NSDHL: variants seen among roughly 807,000 people sequenced by gnomAD.
NSDHL encodes sterol-4-alpha-carboxylate 3-dehydrogenase, decarboxylating.
In NSDHL, 1 loss-of-function variant was observed where a neutral mutation model predicts 23.0. The ratio of observed to expected loss-of-function variants is 0.04; its 90% CI spans 0.02 to 0.21. The LOEUF (loss-of-function observed/expected upper bound fraction) is 0.21. NSDHL is among the 10% of genes least tolerant of loss of function. The pLI is 1.00. For missense variants in NSDHL, 237 were observed against 300.9 expected, an observed-to-expected ratio of 0.79 and a Z score of 1.57; for synonymous variants, 128 against 121.1, an observed-to-expected ratio of 1.06 and a Z score of -0.37.
chrX:152,861,459 C>G (rs1933527191), intron 4 of NSDHL, among the ~76,000 whole-genome samples: 1 of 112,834 alleles, frequency 8.9e-6, no homozygotes, highest in Non-Finnish European at 1.9e-5. Context: ...TAAATCACGC[C>G]CCCAACCAAT....
chrX:152,845,343 T>G (rs1165744445), intron 1 of NSDHL, among the ~76,000 whole-genome samples: 1 of 112,224 alleles, frequency 8.9e-6, no homozygotes, highest in Non-Finnish European at 1.9e-5. Context: ...TCTGTGAATC[T>G]AGCCTTTCAT....
rs946808797 is a variant in NSDHL, at chrX:152,854,136, A to G, written c.267+3713A>G. On this transcript the variant is annotated intron_variant, in intron 3 of 7. Coordinates refer to ENST00000370274, the MANE Select transcript of NSDHL (RefSeq NM_015922.3). ...CCGCTGCCATGCTGTTGTTGCTAGT[A>G]TGTTATTTCAGCTTTCCTTGAGTAC... 6.3e-4 allele frequency among the ~76,000 whole-genome samples: 71 copies of G among 112,049 alleles called. No homozygotes were observed. In the Admixed American group the frequency reaches 6.7e-3, roughly 11 times the overall value.
At chrX:152,843,175 A>G (rs1203600004) in intron 1 of NSDHL, among the ~76,000 whole-genome samples, 1 of 112,301 alleles carries the variant, frequency 8.9e-6, no homozygotes, top group Admixed American at 9.4e-5. Flanking sequence ...GGGGTGAGAC[A>G]TGTTTCTTCT....
intron 1 of NSDHL, among the ~76,000 whole-genome samples, chrX:152,837,218 A>G (rs1933112281): frequency 8.9e-6 from 1 of 111,898 alleles, no homozygotes; most frequent in Non-Finnish European, 1.9e-5. Flanking sequence ...GGTTTTCTAA[A>G]TATATAATCA....
intron 5 of NSDHL, among the ~76,000 whole-genome samples, chrX:152,864,800 G>A (rs1431573430): frequency 8.9e-6 from 1 of 111,939 alleles, no homozygotes; most frequent in Non-Finnish European, 1.9e-5. Flanking sequence ...CCAGAGTCCT[G>A]GCGGGAAGAG....
intron 7 of NSDHL, among the ~76,000 whole-genome samples, chrX:152,868,566 A>G (rs373173871): frequency 3.0e-3 from 333 of 112,848 alleles, no homozygotes; most frequent in African/African-American, 0.01. Context: ...GTGCCTTTCC[A>G]AGTGCAATCT....
chrX:152,853,816 A>G (rs1246088193), intron 3 of NSDHL, among the ~76,000 whole-genome samples: 2 of 111,804 alleles, frequency 1.8e-5, no homozygotes, highest in African/African-American at 6.5e-5. Flanking sequence ...ATCTCCAGCC[A>G]CCCTGTGCTA....
chrX:152,842,688 G>A (rs782114290), intron 1 of NSDHL, among the ~76,000 whole-genome samples: 5 of 110,779 alleles, frequency 4.5e-5, no homozygotes, highest in Non-Finnish European at 9.4e-5. Flanking sequence ...TTTTAGTAGA[G>A]ACGGGGTTTC....
At chrX:152,859,543 C>T (rs782321657) in intron 4 of NSDHL, among the ~76,000 whole-genome samples, 1 of 112,296 alleles carries the variant, frequency 8.9e-6, no homozygotes, top group East Asian at 2.8e-4. Context: ...CATGTTGTAG[C>T]ATGTGTCGGA....
chrX:152,864,120 C>T (rs1429406366), intron 5 of NSDHL, among the ~76,000 whole-genome samples: 2 of 111,397 alleles, frequency 1.8e-5, no homozygotes, highest in African/African-American at 6.5e-5. Flanking sequence ...CCGTGTTGGT[C>T]GGATGGTCTC....
intron 3 of NSDHL, among the ~76,000 whole-genome samples, chrX:152,852,119 C>T (rs1298128243): frequency 2.7e-5 from 3 of 110,890 alleles, no homozygotes; most frequent in Admixed American, 9.6e-5. Context: ...TCTGCTTGTT[C>T]GCTTGCATAG....
At chrX:152,837,826 G>T (rs1933123580) in intron 1 of NSDHL, among the ~76,000 whole-genome samples, 2 of 111,874 alleles carry the variant, frequency 1.8e-5, no homozygotes, top group African/African-American at 6.5e-5. Flanking sequence ...GAGTTAGGGA[G>T]GATTCCCTCT....
At chrX:152,835,123 G>A (rs782059079) in intron 1 of NSDHL, among the ~76,000 whole-genome samples, 4 of 111,304 alleles carry the variant, frequency 3.6e-5, no homozygotes, top group Middle Eastern at 4.6e-3. Flanking sequence ...CTCTCTTCTC[G>A]CTTCACATGA....
At chrX:152,849,573 T>C (rs1298249098) in intron 2 of NSDHL, among the ~76,000 whole-genome samples, 1 of 112,862 alleles carries the variant, frequency 8.9e-6, no homozygotes, top group Non-Finnish European at 1.9e-5. Context: ...ATAAACACCA[T>C]GGCTCTCCCC....
At chrX:152,840,691 G>A (rs1181540923) in intron 1 of NSDHL, among the ~76,000 whole-genome samples, 1 of 111,963 alleles carries the variant, frequency 8.9e-6, no homozygotes, top group African/African-American at 3.3e-5. Context: ...TCGTGCCAGA[G>A]GGTCACCCGC....
chrX:152,832,087 T>A lies in NSDHL; in HGVS notation c.-44+970T>A, dbSNP rs181296901. Among the ~76,000 whole-genome samples the A allele has an allele frequency of 2.7e-5, 3 of 111,105 alleles. No homozygotes were observed. In the East Asian group the frequency reaches 8.6e-4, roughly 32 times the overall value. ...CCATCGCTCCACAACTCTTCTCTCGTCTGGCTCACTCCAGCCCCAGAACAC... is the reference window on the plus strand; with the variant it reads ...CCATCGCTCCACAACTCTTCTCTCGACTGGCTCACTCCAGCCCCAGAACAC... On this transcript the variant is annotated intron_variant, in intron 1 of 7. Coordinates refer to ENST00000370274, the MANE Select transcript of NSDHL (RefSeq NM_015922.3).
intron 7 of NSDHL, 31 bp downstream of exon 7, chrX:152,867,704 G>T: frequency 9.7e-7 from 1 of 1,034,021 alleles, no homozygotes; most frequent in Non-Finnish European, 1.4e-6. Flanking sequence ...CCCTGCACAG[G>T]TGCCTTTCTG....
chrX:152,851,791 C>T (rs1933361531), intron 3 of NSDHL, among the ~76,000 whole-genome samples: 1 of 111,168 alleles, frequency 9.0e-6, no homozygotes, highest in Non-Finnish European at 1.9e-5. Flanking sequence ...CATCATTTCT[C>T]AGTGATTTCA....
intron 3 of NSDHL, among the ~76,000 whole-genome samples, chrX:152,856,135 G>T (rs781892462): frequency 5.4e-5 from 6 of 111,450 alleles, no homozygotes; most frequent in Non-Finnish European, 9.4e-5. Context: ...CGTTTAACAT[G>T]CCCTTCTGTC....
Sources: gnomAD v4.1 joint callset for allele counts (sites outside exome capture counted in the v4.1 genomes callset) on GRCh38, gnomAD v4.1.1 for gene constraint, MANE v1.5 for transcripts, NCBI Gene and HGNC (gene_info 2026-07-23, HGNC 2026-07-21) for gene names.